The following TBC1D8 variants were observed in gnomAD, a reference collection of about 807,000 sequenced individuals.
TBC1D8 encodes the protein BUB2-like protein 1.
A neutral mutation model predicts 118.8 loss-of-function variants in TBC1D8; 65 were observed. That is an observed-to-expected ratio of 0.55 (90% CI 0.45 to 0.67). TBC1D8 has a LOEUF of 0.67. TBC1D8 is among the 30% of genes least tolerant of loss of function. The pLI is 0.00. For missense variants in TBC1D8, 1,376 were observed against 1,471.2 expected (o/e 0.94, Z 1.06); for synonymous variants, 566 against 595.8 (o/e 0.95, Z 0.73).
At position 101,037,590 on chromosome 2, in the gene TBC1D8, G is replaced by A. The variant is rs748153320; in HGVS notation, c.1394C>T (p.Pro465Leu). 1.2e-6 allele frequency: 2 copies of A among 1,613,294 alleles called. No homozygotes were observed. Among genetic ancestry groups the A allele is most frequent in the Admixed American group, 1.7e-5 (1 of 60,004 alleles). Residue 465 changes from proline (P) to leucine (L), a missense_variant, in exon 8 of 20, where the codon CCC (proline) becomes CTC (leucine). Pro to Leu is a moderately conservative substitution (Grantham distance 98). Transcript: ENST00000409318. The stretch of plus-strand genomic sequence containing the variant: ...CTGGAAGGCGGTGACCAGGGCATCG[G>A]GGTGCATCAGCGGGCTCTTCTCTTT... ...SEKEKSPLMH[P>L]DALVTAFQQS...
chr2:101,118,860 A>C (rs1466127733), intron 1 of TBC1D8, among the ~76,000 whole-genome samples: 1 of 152,106 alleles, frequency 6.6e-6, no homozygotes, highest in Admixed American at 6.5e-5. Flanking sequence ...AAATACAAAA[A>C]TTAGCTGGGT....
At position 101,038,611 on chromosome 2, in the gene TBC1D8, A is replaced by T; in HGVS notation, c.1125T>A (p.His375Gln). The change falls in exon 7 of 20, where the codon CAT becomes CAA. Residue 375 changes from histidine (H) to glutamine (Q), a missense_variant. Transcript: ENST00000409318. The stretch of plus-strand genomic sequence containing the variant: ...TGCTTCTGATACTGACAATGATGGG[A>T]TGCGGCAGCAGGCTCGTGTCCTCCA... The part of the protein sequence containing the change: ...EKMEDTSLLP[H>Q]PIIVSIRSKV... 6.2e-7 allele frequency: 1 copy of T among 1,613,992 alleles called. No homozygotes were observed. The highest frequency in any genetic ancestry group is 8.5e-7 in the Non-Finnish European group (1 of 1,179,904).
intron 1 of TBC1D8, 101 bp from the exon 2 acceptor site, chr2:101,090,465 T>C (rs760589544): frequency 6.5e-5 from 83 of 1,271,704 alleles, no homozygotes; most frequent in Non-Finnish European, 8.2e-5. Flanking sequence ...CATGCTGGGG[T>C]AGCAGAGACA....
chr2:101,117,838 G>A (rs1399584687), intron 1 of TBC1D8, among the ~76,000 whole-genome samples: 1 of 148,438 alleles, frequency 6.7e-6, no homozygotes, highest in Non-Finnish European at 1.5e-5. Context: ...GCCTCCCAAA[G>A]TGCTGGGATT....
intron 2 of TBC1D8, among the ~76,000 whole-genome samples, chr2:101,070,416 A>T (rs1417014366): frequency 1.4e-5 from 2 of 144,586 alleles, no homozygotes; most frequent in Non-Finnish European, 3.0e-5. Flanking sequence ...AACAAATCTG[A>T]TTTTTTTTTT....
chr2:101,079,990 C>G (rs1675158002), intron 2 of TBC1D8, among the ~76,000 whole-genome samples: 2 of 151,928 alleles, frequency 1.3e-5, no homozygotes, highest in African/African-American at 4.8e-5. Flanking sequence ...CCAGCCCCAA[C>G]CAGGTCCAGT....
intron 5 of TBC1D8, among the ~76,000 whole-genome samples, chr2:101,043,855 G>C (rs1352784890): frequency 6.6e-6 from 1 of 152,082 alleles, no homozygotes; most frequent in Non-Finnish European, 1.5e-5. Flanking sequence ...CAAGAGAATC[G>C]CTTGAACCCG....
At chr2:101,073,133 C>G (rs1674560194) in intron 2 of TBC1D8, among the ~76,000 whole-genome samples, 1 of 91,286 alleles carries the variant, frequency 1.1e-5, no homozygotes, top group Non-Finnish European at 2.6e-5. Flanking sequence ...TTGAAGTCAC[C>G]AGGCATGTTA....
At chr2:101,011,390 C>T (rs1062059) in intron 18 of TBC1D8, 61 bp downstream of exon 18, 326,190 of 1,551,362 alleles carry the variant, frequency 0.21, 35,320 homozygotes, top group Middle Eastern at 0.23. Flanking sequence ...AGGGCAACCC[C>T]GGTGCCTCCC....
At chr2:101,054,532 G>GA (rs919601387) in intron 3 of TBC1D8, among the ~76,000 whole-genome samples, 196 bp from the exon 4 acceptor site, 5 of 150,932 alleles carry the variant, frequency 3.3e-5, no homozygotes, top group African/African-American at 7.3e-5. Context: ...GGCTGCAGCA[G>GA]AAAAAAAAGG....
Position 101,054,191 on chromosome 2 carries a change from C to G in TBC1D8, c.548G>C (p.Trp183Ser). Residue 183 changes from tryptophan (W) to serine (S), a missense_variant, in exon 4 of 20, where the codon TGG becomes TCG. Physicochemically the swap from Trp to Ser is radical, Grantham distance 177. Coordinates refer to ENST00000409318, the MANE Select transcript of TBC1D8 (RefSeq NM_001330348.2). ...GCCCTGGCGGGGCACCCTGCCCTTC[C>G]AACAGCAGCAGGAGTAGTAGGTGAC... is the stretch of plus-strand genomic sequence containing the variant. ...KLVTYYSCCC[W>S]KGRVPRQGWL... 1 of 1,613,266 alleles carries G rather than the reference C, an allele frequency of 6.2e-7. No individual in the cohort carries two copies. Among genetic ancestry groups the G allele is most frequent in the Non-Finnish European group, 8.5e-7 (1 of 1,179,650 alleles).
chr2:101,148,926 G>A (rs1238011743), intron 1 of TBC1D8, among the ~76,000 whole-genome samples: 1 of 152,124 alleles, frequency 6.6e-6, no homozygotes, highest in Non-Finnish European at 1.5e-5. Context: ...GCTGCCCTGT[G>A]TCCCATGGGT....
intron 2 of TBC1D8, among the ~76,000 whole-genome samples, chr2:101,081,583 C>T (rs1429017761): frequency 6.6e-6 from 1 of 152,158 alleles, no homozygotes; most frequent in East Asian, 1.9e-4. Flanking sequence ...GGGACCCTCC[C>T]CATGCTCTCG....
chr2:101,019,772 A>C (rs982674806), intron 17 of TBC1D8: 22 of 152,244 alleles, frequency 1.4e-4, no homozygotes, highest in African/African-American at 5.1e-4. Flanking sequence ...AATTCATTAG[A>C]AAGTTAGATG....
intron 1 of TBC1D8, among the ~76,000 whole-genome samples, chr2:101,150,514 T>A (rs2104294499): frequency 6.6e-6 from 1 of 152,356 alleles, no homozygotes. Flanking sequence ...TTTTTTTTCC[T>A]ATCATTCCTT....
At chr2:101,132,458 G>A (rs1037910533) in intron 1 of TBC1D8, among the ~76,000 whole-genome samples, 3 of 152,104 alleles carry the variant, frequency 2.0e-5, no homozygotes, top group Non-Finnish European at 2.9e-5. Context: ...TCTGTGGTTC[G>A]TATTACATTG....
At chr2:101,037,332 C>T (rs554461388) in intron 8 of TBC1D8, among the ~76,000 whole-genome samples, 200 bp downstream of exon 8, 9 of 152,342 alleles carry the variant, frequency 5.9e-5, no homozygotes, top group Admixed American at 2.0e-4. Flanking sequence ...CGAGGTTTAC[C>T]GAAGGGTGGG....
At chr2:101,029,253 G>A (rs959225596) in intron 12 of TBC1D8, among the ~76,000 whole-genome samples, 3 of 152,184 alleles carry the variant, frequency 2.0e-5, no homozygotes, top group African/African-American at 7.2e-5. Context: ...GCCGAGCATG[G>A]TGGTGGGTTC....
chr2:101,131,198 C>T (rs1242346216), intron 1 of TBC1D8, among the ~76,000 whole-genome samples: 7 of 152,174 alleles, frequency 4.6e-5, no homozygotes, highest in African/African-American at 7.2e-5. Flanking sequence ...TCACTGAGCC[C>T]GGCTCCCTTA....
Sources: gnomAD v4.1 joint callset for allele counts (sites outside exome capture counted in the v4.1 genomes callset) on GRCh38, gnomAD v4.1.1 for gene constraint, MANE v1.5 for transcripts, NCBI Gene and HGNC (gene_info 2026-07-23, HGNC 2026-07-21) for gene names.